The following VMP1 variants were observed in gnomAD, a reference collection of about 807,000 sequenced individuals.
VMP1 encodes the protein ectopic P-granules autophagy protein 3 homolog.
A neutral mutation model predicts 56.0 loss-of-function variants in VMP1; 11 were observed. The ratio of observed to expected loss-of-function variants is 0.20; its 90% CI spans 0.12 to 0.32. The LOEUF is 0.32. Among genes scored for constraint, VMP1 ranks in the 10% least tolerant of loss-of-function variants. The pLI, the probability that VMP1 is intolerant of heterozygous loss-of-function variation, is 1.00. For missense variants in VMP1, 296 were observed against 490.3 expected (o/e 0.60, Z 3.74); for synonymous variants, 149 against 165.0 (o/e 0.90, Z 0.74).
At chr17:59,827,471 C>T (rs1363743262) in intron 10 of VMP1, among the ~76,000 whole-genome samples, 1 of 151,960 alleles carries the variant, frequency 6.6e-6, no homozygotes, top group Non-Finnish European at 1.5e-5. Context: ...CATGCACCAC[C>T]ACCCCCAGCT....
At chr17:59,719,632 T>G (rs2034316375) in intron 1 of VMP1, among the ~76,000 whole-genome samples, 1 of 152,198 alleles carries the variant, frequency 6.6e-6, no homozygotes, top group African/African-American at 2.4e-5. Context: ...CTCAGGGAGA[T>G]GCTTTTATCA....
At chr17:59,815,152 A>T (rs2038182600) in intron 9 of VMP1, among the ~76,000 whole-genome samples, 1 of 152,174 alleles carries the variant, frequency 6.6e-6, no homozygotes, top group African/African-American at 2.4e-5. Context: ...GATTCAAATC[A>T]ATCTACCTAT....
chr17:59,807,736 G>A (rs141825403), intron 7 of VMP1, among the ~76,000 whole-genome samples: 5,574 of 151,378 alleles, frequency 0.037, 370 homozygotes, highest in African/African-American at 0.13. Flanking sequence ...GAAGGCTGAG[G>A]CGAGAGAATC....
At chr17:59,796,647 A>G (rs776767486) in intron 7 of VMP1, among the ~76,000 whole-genome samples, 2 of 152,220 alleles carry the variant, frequency 1.3e-5, no homozygotes, top group South Asian at 2.1e-4. Context: ...TCAAAATGTT[A>G]TAAGTTGTTT....
At chr17:59,735,282 A>AG (rs2034975261) in intron 2 of VMP1, 56 bp from the exon 3 acceptor site, 1 of 1,580,746 alleles carries the variant, frequency 6.3e-7, no homozygotes, top group Non-Finnish European at 8.6e-7. Flanking sequence ...GTGATTGAAG[A>AG]GAATAAGCAT....
chr17:59,724,596 C>G (rs531497538), intron 1 of VMP1, among the ~76,000 whole-genome samples: 1 of 151,806 alleles, frequency 6.6e-6, no homozygotes, highest in Non-Finnish European at 1.5e-5. Flanking sequence ...TGTTTGAATC[C>G]GGGAGGCAGA....
chr17:59,814,644 G>A (rs1290673096), intron 9 of VMP1, among the ~76,000 whole-genome samples: 6 of 152,156 alleles, frequency 3.9e-5, no homozygotes, highest in Non-Finnish European at 8.8e-5. Context: ...TCATAGATGA[G>A]GGAACTGTGT....
chr17:59,708,125 A>G (rs2033756292), intron 1 of VMP1: 1 of 152,224 alleles, frequency 6.6e-6, no homozygotes, highest in African/African-American at 2.4e-5. Context: ...ATTTCTCAGG[A>G]TCTGTCAGTT....
chr17:59,790,047 G>A (rs2037170115), intron 7 of VMP1, among the ~76,000 whole-genome samples: 2 of 151,694 alleles, frequency 1.3e-5, no homozygotes, highest in Admixed American at 1.3e-4. Context: ...CACCATATTG[G>A]CCAGGCTGGT....
At chr17:59,724,801 T>C (rs1231213558) in intron 1 of VMP1, among the ~76,000 whole-genome samples, 5 of 151,320 alleles carry the variant, frequency 3.3e-5, no homozygotes, top group African/African-American at 1.2e-4. Context: ...ACGTCTCTAC[T>C]AAAAATACAA....
chr17:59,809,664 G>A (rs888596969), intron 8 of VMP1, among the ~76,000 whole-genome samples: 23 of 150,206 alleles, frequency 1.5e-4, no homozygotes, highest in African/African-American at 3.4e-4. Context: ...CCGCCACTAC[G>A]CCCGGCTAAT....
chr17:59,769,761 A>G (rs967100805), intron 6 of VMP1, among the ~76,000 whole-genome samples: 6 of 152,188 alleles, frequency 3.9e-5, no homozygotes, highest in African/African-American at 1.4e-4. Flanking sequence ...TCTCTCCTTA[A>G]TTAAACTTAG....
intron 7 of VMP1, among the ~76,000 whole-genome samples, chr17:59,780,985 C>G (rs1317024341): frequency 6.6e-6 from 1 of 152,024 alleles, no homozygotes; most frequent in Non-Finnish European, 1.5e-5. Flanking sequence ...ATATAATTTT[C>G]CTTACATACT....
chr17:59,822,415 G>A (rs185010436), intron 10 of VMP1, among the ~76,000 whole-genome samples: 294 of 144,570 alleles, frequency 2.0e-3, no homozygotes, highest in African/African-American at 7.2e-3. Flanking sequence ...TCCAATCTCC[G>A]CCTCCCGGGT....
At chr17:59,711,611 T>C (rs868670675) in intron 1 of VMP1, among the ~76,000 whole-genome samples, 1 of 152,228 alleles carries the variant, frequency 6.6e-6, no homozygotes, top group Admixed American at 6.5e-5. Flanking sequence ...TTTGCTGAAC[T>C]GAAGTTAGGT....
intron 7 of VMP1, among the ~76,000 whole-genome samples, chr17:59,782,681 G>T (rs116136150): frequency 1.3e-5 from 2 of 152,046 alleles, no homozygotes; most frequent in East Asian, 3.8e-4. Context: ...TAGCTAAAAC[G>T]GCAAATTAAG....
At chr17:59,761,555 C>G (rs2036056044) in intron 5 of VMP1, among the ~76,000 whole-genome samples, 1 of 152,074 alleles carries the variant, frequency 6.6e-6, no homozygotes, top group Admixed American at 6.6e-5. Flanking sequence ...TAGCTTTCAC[C>G]TTAGGACCAG....
chr17:59,718,489 C>G (rs1244734929), intron 1 of VMP1, among the ~76,000 whole-genome samples: 1 of 151,720 alleles, frequency 6.6e-6, no homozygotes, highest in Non-Finnish European at 1.5e-5. Flanking sequence ...AGCCACCGTG[C>G]CCGGCCCCTC....
chr17:59,777,828 C>A (rs1216606956), intron 7 of VMP1, among the ~76,000 whole-genome samples: 2 of 150,780 alleles, frequency 1.3e-5, no homozygotes, highest in Non-Finnish European at 2.9e-5. Flanking sequence ...CAAAACAAAA[C>A]AAAACAAAAC....
Sources: allele counts gnomAD v4.1 joint callset (sites outside exome capture counted in the v4.1 genomes callset), GRCh38; gene constraint gnomAD v4.1.1; transcripts MANE v1.5; gene names NCBI Gene and HGNC (gene_info 2026-07-23, HGNC 2026-07-21).